The following PTPRM variants were observed in gnomAD, a reference collection of about 807,000 sequenced individuals.
PTPRM encodes the protein receptor-type tyrosine-protein phosphatase mu.
A neutral mutation model predicts 186.7 loss-of-function variants in PTPRM; 47 were observed. That is an observed-to-expected ratio of 0.25 (90% CI 0.20 to 0.32). The LOEUF is 0.32. Ranked by LOEUF, PTPRM falls within the 10% of genes least tolerant of loss-of-function variation. PTPRM has a pLI of 1.00. For synonymous variants in PTPRM, 668 were observed against 674.9 expected (o/e 0.99, Z 0.16); for missense variants, 1,494 against 1,865.0 (o/e 0.80, Z 3.66).
chr18:7,966,498 T>C (rs1460185138), intron 7 of PTPRM, among the ~76,000 whole-genome samples: 2 of 151,650 alleles, frequency 1.3e-5, no homozygotes, highest in African/African-American at 2.4e-5. Context: ...GCTCCCAGCG[T>C]GAGCGACGCA....
Position 8,085,863 on chromosome 18 carries a change from A to C in PTPRM, c.1744A>C (p.Lys582Gln). Residue 582 changes from lysine to glutamine, a missense_variant, in exon 10 of 33, where the codon AAA becomes CAA. By Grantham distance (53) the Lys-to-Gln change is moderately conservative. Coordinates refer to ENST00000580170, the MANE Select transcript of PTPRM (RefSeq NM_001105244.2). ...GPPATNQFTT[K>Q]ISAPSMPAYE... ...TCCAGCAACAAACCAGTTCACCACCAAAATATCAGGTACTCTACATTCGTG... is the reference window on the plus strand; with the variant it reads ...TCCAGCAACAAACCAGTTCACCACCCAAATATCAGGTACTCTACATTCGTG... The C allele has an allele frequency of 6.2e-7, 1 of 1,612,494 alleles. No individual in the cohort carries two copies. Among genetic ancestry groups the C allele is most frequent in the South Asian group, 1.1e-5 (1 of 91,048 alleles).
At chr18:7,812,750 A>G (rs535609880) in intron 2 of PTPRM, among the ~76,000 whole-genome samples, 4 of 150,822 alleles carry the variant, frequency 2.7e-5, no homozygotes, top group East Asian at 1.9e-4. Context: ...TGACAGCAAT[A>G]CTTGTTCAAA....
intron 1 of PTPRM, among the ~76,000 whole-genome samples, chr18:7,607,870 C>T (rs1362811711): frequency 6.6e-6 from 1 of 152,226 alleles, no homozygotes; most frequent in African/African-American, 2.4e-5. Flanking sequence ...GCCCCGCTGT[C>T]TGATATTTAA....
chr18:7,785,576 G>A (rs1181368543), intron 2 of PTPRM, among the ~76,000 whole-genome samples: 1 of 152,176 alleles, frequency 6.6e-6, no homozygotes, highest in African/African-American at 2.4e-5. Flanking sequence ...TAAATGTGGG[G>A]CTACAAGAGA....
chr18:8,397,901 G>C (rs1454614317), intron 32 of PTPRM, among the ~76,000 whole-genome samples: 2 of 152,184 alleles, frequency 1.3e-5, no homozygotes, highest in Admixed American at 6.5e-5. Flanking sequence ...AACTTTGGAA[G>C]ACTCCCCTCC....
intron 1 of PTPRM, among the ~76,000 whole-genome samples, chr18:7,703,269 C>G (rs2040004230): frequency 6.6e-6 from 1 of 152,152 alleles, no homozygotes; most frequent in African/African-American, 2.4e-5. Context: ...GCAGTATGGC[C>G]ATTTTCATGA....
chr18:8,118,635 A>C (rs956316792), intron 13 of PTPRM, among the ~76,000 whole-genome samples: 4 of 151,978 alleles, frequency 2.6e-5, no homozygotes, highest in African/African-American at 7.2e-5. Context: ...CCCCGTCTCT[A>C]CTAAAAATAC....
At position 7,650,971 on chromosome 18, in the gene PTPRM, G is replaced by A. The variant is rs1045376289; in HGVS notation, c.73+83080G>A. Among the ~76,000 whole-genome samples the A allele has an allele frequency of 7.1e-5, 10 of 141,502 alleles. No individual in the cohort carries two copies. The East Asian group carries it at 1.9e-3, about 26-fold the overall frequency. 92.8% of individuals were successfully genotyped at this position (141,502 alleles called of 152,430 possible). On this transcript the variant is annotated intron_variant, in intron 1 of 32. Transcript: ENST00000580170. ...TTTTGAGACAGTGTCTTGCACTGTT[G>A]CCCAGGCTGGAGTGCAGTGGTGTGG...
intron 19 of PTPRM, among the ~76,000 whole-genome samples, chr18:8,268,103 T>C (rs1375632767): frequency 6.6e-6 from 1 of 152,132 alleles, no homozygotes; most frequent in African/African-American, 2.4e-5. Flanking sequence ...GACAATTCAG[T>C]CAGCGTTAGG....
intron 7 of PTPRM, chr18:8,018,103 T>C (rs1411528265): frequency 6.6e-6 from 1 of 152,132 alleles, no homozygotes; most frequent in Non-Finnish European, 1.5e-5. Context: ...CAGGTAAGAC[T>C]GCACTTGATA....
intron 14 of PTPRM, among the ~76,000 whole-genome samples, chr18:8,177,987 T>C (rs886306121): frequency 6.6e-6 from 1 of 152,170 alleles, no homozygotes; most frequent in Non-Finnish European, 1.5e-5. Context: ...CCCTTAGCAG[T>C]TGAACAATTC....
chr18:7,759,901 T>TATTAGGTGTTCTTC (rs1270831056), intron 1 of PTPRM, among the ~76,000 whole-genome samples: 2 of 152,142 alleles, frequency 1.3e-5, no homozygotes, highest in African/African-American at 4.8e-5. Flanking sequence ...GAAACTATAA[T>TATTAGGTGTTCTTC]ATTAGGTGTT....
intron 1 of PTPRM, among the ~76,000 whole-genome samples, chr18:7,592,538 T>C (rs924805410): frequency 6.6e-6 from 1 of 152,226 alleles, no homozygotes; most frequent in African/African-American, 2.4e-5. Flanking sequence ...AAATCACTCC[T>C]GTCTCCTGAC....
Position 8,195,782 on chromosome 18 carries a change from G to T in PTPRM, c.2301-48276G>T, listed in dbSNP as rs895729399. Among the ~76,000 whole-genome samples, 6 of 151,968 alleles carry T rather than the reference G, an allele frequency of 3.9e-5. No individual in the cohort carries two copies. In the East Asian group the frequency reaches 1.2e-3, roughly 29 times the overall value. On this transcript the variant is annotated intron_variant, in intron 14 of 32. Coordinates refer to ENST00000580170, the MANE Select transcript of PTPRM (RefSeq NM_001105244.2). Reference sequence around the variant, plus strand: ...CGGGTGAAGAAGAAATTCCTTAATGGGTACAGTGTACACTGTTCAGGTGAT... The same window carrying T: ...CGGGTGAAGAAGAAATTCCTTAATGTGTACAGTGTACACTGTTCAGGTGAT...
chr18:8,075,932 T>C lies in PTPRM; in HGVS notation c.1442-523T>C, dbSNP rs1294586951. On this transcript the variant is annotated intron_variant, in intron 8 of 32. Coordinates refer to ENST00000580170, the MANE Select transcript of PTPRM (RefSeq NM_001105244.2). ...TTTTATAACATAACTTACTAAACCA[T>C]TTGACTTGTTTCTCATTTATTATTA... Among the ~76,000 whole-genome samples, 4 of 152,136 alleles carry C rather than the reference T, an allele frequency of 2.6e-5. No homozygotes were observed. In the South Asian group the frequency reaches 6.2e-4, roughly 24 times the overall value.
At chr18:8,015,999 A>G (rs1403846236) in intron 7 of PTPRM, among the ~76,000 whole-genome samples, 1 of 152,208 alleles carries the variant, frequency 6.6e-6, no homozygotes, top group African/African-American at 2.4e-5. Flanking sequence ...TAGTCTTTTA[A>G]CTAGGATCCT....
intron 31 of PTPRM, among the ~76,000 whole-genome samples, chr18:8,387,544 A>C (rs2095784491): frequency 6.6e-6 from 1 of 151,938 alleles, no homozygotes; most frequent in African/African-American, 2.4e-5. Context: ...CCAATTGTTA[A>C]GTTTTCAGGA....
chr18:8,334,491 C>G (rs777434166), intron 22 of PTPRM, among the ~76,000 whole-genome samples: 1 of 152,228 alleles, frequency 6.6e-6, no homozygotes, highest in African/African-American at 2.4e-5. Context: ...CCCAGGCTCT[C>G]CCTGTGCTGA....
At chr18:8,244,300 T>C in intron 15 of PTPRM, 91 bp downstream of exon 15, 2 of 1,165,648 alleles carry the variant, frequency 1.7e-6, no homozygotes, top group Non-Finnish European at 2.3e-6. Context: ...AAAAAAAAGC[T>C]TCCTGAAGAA....
Sources: gnomAD v4.1 joint callset for allele counts (sites outside exome capture counted in the v4.1 genomes callset) on GRCh38, gnomAD v4.1.1 for gene constraint, MANE v1.5 for transcripts, NCBI Gene and HGNC (gene_info 2026-07-23, HGNC 2026-07-21) for gene names.